Variants in CDH13 observed in about 807,000 individuals in gnomAD.
CDH13 encodes the protein cadherin-13.
In CDH13, 24 loss-of-function variants were observed where a neutral mutation model predicts 63.8. The observed-to-expected ratio is 0.38, with a 90% confidence interval of 0.27 to 0.53. The LOEUF (loss-of-function observed/expected upper bound fraction) is 0.53, where lower values mean the gene tolerates loss of function less well. Ranked by LOEUF, CDH13 falls within the 20% of genes least tolerant of loss-of-function variation. The pLI, the probability that CDH13 is intolerant of heterozygous loss-of-function variation, is 0.85. For synonymous variants in CDH13, 503 were observed against 355.3 expected (o/e 1.42, Z -4.67); for missense variants, 1,049 against 903.1 (o/e 1.16, Z -2.07).
At position 82,962,679 on chromosome 16, in the gene CDH13, A is replaced by G. The variant is rs564288088; in HGVS notation, c.158-69331A>G. Reference sequence around the variant, plus strand: ...GGCAGGGAAGTCATGAAGGCCAAGCAACACATCCAGTGATGATTCTTCTGT... The same window carrying G: ...GGCAGGGAAGTCATGAAGGCCAAGCGACACATCCAGTGATGATTCTTCTGT... On this transcript the variant is annotated intron_variant, in intron 2 of 13. Coordinates refer to ENST00000567109, the MANE Select transcript of CDH13 (RefSeq NM_001257.5). Among the ~76,000 whole-genome samples the G allele has an allele frequency of 1.4e-4, 21 of 152,332 alleles. No individual in the cohort carries two copies. In the South Asian group the frequency reaches 2.3e-3, roughly 17 times the overall value.
chr16:82,927,334 G>C (rs564718571), intron 2 of CDH13, among the ~76,000 whole-genome samples: 10 of 152,088 alleles, frequency 6.6e-5, no homozygotes, highest in Non-Finnish European at 8.8e-5. Context: ...ACCTTGCATC[G>C]TGAGCATGAG....
At chr16:83,385,453 G>T (rs2091654349) in intron 6 of CDH13, among the ~76,000 whole-genome samples, 1 of 152,206 alleles carries the variant, frequency 6.6e-6, no homozygotes, top group African/African-American at 2.4e-5. Context: ...CATCTTAATA[G>T]TCAGAGTAAG....
intron 2 of CDH13, among the ~76,000 whole-genome samples, chr16:82,896,140 C>A (rs976400538): frequency 6.6e-6 from 1 of 152,108 alleles, no homozygotes; most frequent in Non-Finnish European, 1.5e-5. Flanking sequence ...ACCTGTTTCC[C>A]TGTAGAAGTA....
intron 7 of CDH13, among the ~76,000 whole-genome samples, chr16:83,488,243 C>T (rs2073937265): frequency 6.6e-6 from 1 of 152,198 alleles, no homozygotes; most frequent in Non-Finnish European, 1.5e-5. Flanking sequence ...CCAGAAGGTT[C>T]TACTGGGCAA....
intron 7 of CDH13, among the ~76,000 whole-genome samples, chr16:83,524,737 C>T (rs1039145394): frequency 4.6e-5 from 7 of 152,210 alleles, no homozygotes; most frequent in African/African-American, 1.4e-4. Context: ...CAGGTGTGAG[C>T]CACCTCGCCC....
At chr16:82,895,979 T>C (rs2041242599) in intron 2 of CDH13, among the ~76,000 whole-genome samples, 1 of 152,176 alleles carries the variant, frequency 6.6e-6, no homozygotes, top group African/African-American at 2.4e-5. Flanking sequence ...GCAAATTTTT[T>C]CATGGGTAGT....
At chr16:82,940,654 C>T (rs1029973747) in intron 2 of CDH13, among the ~76,000 whole-genome samples, 1 of 152,164 alleles carries the variant, frequency 6.6e-6, no homozygotes, top group Non-Finnish European at 1.5e-5. Flanking sequence ...TAATCAGCGT[C>T]TACGTTTGTT....
At chr16:82,905,724 T>C (rs1719911404) in intron 2 of CDH13, among the ~76,000 whole-genome samples, 1 of 152,198 alleles carries the variant, frequency 6.6e-6, no homozygotes, top group Non-Finnish European at 1.5e-5. Context: ...TGTGACTTCA[T>C]TGTGTAATCA....
intron 6 of CDH13, among the ~76,000 whole-genome samples, chr16:83,381,626 C>A (rs1445145468): frequency 6.6e-6 from 1 of 151,978 alleles, no homozygotes; most frequent in African/African-American, 2.4e-5. Context: ...ATAATTCCAA[C>A]CACTCTCACC....
At position 82,977,728 on chromosome 16, in the gene CDH13, A is replaced by G. The variant is rs1209626910; in HGVS notation, c.158-54282A>G. 2.0e-5 allele frequency among the ~76,000 whole-genome samples: 3 copies of G among 152,318 alleles called. No homozygotes were observed. The East Asian group carries it at 5.8e-4, about 29-fold the overall frequency. On this transcript the variant is annotated intron_variant, in intron 2 of 13. Transcript: ENST00000567109. ...TACAGCAAATTGGTTCTGAGGGAGC[A>G]GGGTGCTGCTCTAAAGATACCCAAA...
In CDH13 at chr16:83,000,223, A is replaced by ATTTTTTTT. The variant is rs746904500; in HGVS notation, c.158-31753_158-31746dup. ...CTAGGAATATCCACAGGTTTAGCTT[A>ATTTTTTTT]TTTTTTTTTTTTTTTTTTTTTTTTT... On this transcript the variant is annotated intron_variant, in intron 2 of 13. Transcript: ENST00000567109. Among the ~76,000 whole-genome samples the ATTTTTTTT allele has an allele frequency of 1.3e-3, 47 of 37,008 alleles. 3 individuals are homozygous for ATTTTTTTT. Among genetic ancestry groups the ATTTTTTTT allele is most frequent in the East Asian group, 2.8e-3 (2 of 712 alleles). The allele number at this position is 37,008 out of a possible 152,430, so 24.3% of individuals were successfully genotyped here.
chr16:82,807,994 A>C (rs1199357879), intron 1 of CDH13, among the ~76,000 whole-genome samples: 1 of 152,156 alleles, frequency 6.6e-6, no homozygotes, highest in Non-Finnish European at 1.5e-5. Flanking sequence ...TTCCCCAATT[A>C]CAGTATTTCT....
chr16:83,446,087 G>T (rs563555832), intron 6 of CDH13, among the ~76,000 whole-genome samples: 3 of 152,046 alleles, frequency 2.0e-5, no homozygotes, highest in Admixed American at 6.6e-5. Context: ...CAGATTACAG[G>T]AGGTCAGGAG....
At chr16:83,116,125 C>T (rs2035281006) in intron 3 of CDH13, among the ~76,000 whole-genome samples, 1 of 152,198 alleles carries the variant, frequency 6.6e-6, no homozygotes, top group Non-Finnish European at 1.5e-5. Flanking sequence ...GAGTGCGGTC[C>T]CAGCTGTAGA....
At chr16:83,768,803 C>G (rs377479421) in intron 11 of CDH13, among the ~76,000 whole-genome samples, 28 of 152,158 alleles carry the variant, frequency 1.8e-4, no homozygotes, top group African/African-American at 6.7e-4. Flanking sequence ...AGGTCACTCT[C>G]ATCGCCATCT....
chr16:83,488,142 A>G (rs1486793344), intron 7 of CDH13, among the ~76,000 whole-genome samples: 1 of 152,234 alleles, frequency 6.6e-6, no homozygotes, highest in Non-Finnish European at 1.5e-5. Context: ...AATCAGCTTC[A>G]CAGTCACAGA....
rs1272743506 is a variant in CDH13 at position 83,284,988 on chromosome 16, C to G, written c.637-59874C>G. Among the ~76,000 whole-genome samples, 3 of 152,170 alleles carry G rather than the reference C, an allele frequency of 2.0e-5. No homozygotes were observed. The East Asian group carries it at 5.8e-4, about 29-fold the overall frequency. On this transcript the variant is annotated intron_variant, in intron 5 of 13. Transcript: ENST00000567109. Reference sequence around the variant, plus strand: ...AAGATCTAGCCAGCTTCTATACACACTCTCCCTGCACAAATGTTAACTCTG... The same window carrying G: ...AAGATCTAGCCAGCTTCTATACACAGTCTCCCTGCACAAATGTTAACTCTG...
rs990408086 is a variant in CDH13, at chr16:83,797,698, A to G, written c.*2668A>G. The G allele has an allele frequency of 6.6e-6, 1 of 152,226 alleles. No individual in the cohort carries two copies. The highest frequency in any genetic ancestry group is 2.4e-5 in the African/African-American group (1 of 41,462). 9.4% of individuals were successfully genotyped at this position (152,226 alleles called of 1,614,324 possible). A position where few individuals can be genotyped will look rare whatever the true frequency, so the allele number is the denominator to read the frequency against. On this transcript the variant is annotated 3_prime_UTR_variant, in exon 14 of 14. Coordinates refer to ENST00000567109, the MANE Select transcript of CDH13 (RefSeq NM_001257.5). ...GCATTTTATCTGAGTCCAACTTATT[A>G]AAAAACGAAGTCAAGTAAGGACCAG...
intron 2 of CDH13, among the ~76,000 whole-genome samples, chr16:83,025,173 G>A (rs1171522866): frequency 6.6e-6 from 1 of 152,212 alleles, no homozygotes. Flanking sequence ...CTTTCTGTGT[G>A]TAGGCATGCA....
Sources: allele counts gnomAD v4.1 joint callset (sites outside exome capture counted in the v4.1 genomes callset), GRCh38; gene constraint gnomAD v4.1.1; transcripts MANE v1.5; gene names NCBI Gene and HGNC (gene_info 2026-07-23, HGNC 2026-07-21).